Variants in RTP5 observed in about 807,000 individuals in gnomAD.
RTP5 encodes receptor transporter protein 5 (putative), also known as receptor-transporting protein 5.
Under a neutral mutation model 23.5 loss-of-function variants are expected in RTP5, and 30 were observed. That is an observed-to-expected ratio of 1.27 (90% confidence interval 0.95 to 1.73). The LOEUF is 1.73. Ranked by LOEUF, RTP5 falls within the 40% of genes most tolerant of loss-of-function variation. The pLI, the probability that RTP5 is intolerant of heterozygous loss-of-function variation, is 0.00. For synonymous variants in RTP5, 354 were observed against 342.1 expected, an observed-to-expected ratio of 1.03 and a Z score of -0.38; for missense variants, 807 against 784.2, an observed-to-expected ratio of 1.03 and a Z score of -0.35.
Position 241,872,091 on chromosome 2 carries a change from C to A in RTP5, c.536C>A (p.Thr179Asn). ...GNFPATAWGG[T>N]GTVSRGKPLS... The stretch of plus-strand genomic sequence containing the variant: ...TTCCCCGCCACGGCCTGGGGTGGCA[C>A]TGGCACCGTCTCCAGGGGCAAACCG... The change falls in exon 2 of 2, where the codon ACT becomes AAT. Residue 179 changes from threonine (T) to asparagine (N), a missense_variant. Thr to Asn is a moderately conservative substitution (Grantham distance 65). Transcript: ENST00000343216. 1 of 1,584,878 alleles carries A rather than the reference C, an allele frequency of 6.3e-7. No homozygotes were observed. Among genetic ancestry groups the A allele is most frequent in the South Asian group, 1.1e-5 (1 of 89,218 alleles).
chr2:241,872,550 C>T lies in RTP5; in HGVS notation c.995C>T (p.Ser332Leu), dbSNP rs150144782. The change falls in exon 2 of 2, where the codon TCG (serine) becomes TTG (leucine). Residue 332 changes from serine (S) to leucine (L), a missense_variant. Physicochemically the swap from Ser to Leu is moderately radical, Grantham distance 145. Transcript: ENST00000343216. Reference protein sequence around the residue: ...TPTVFYCVGLSASGEGSLTFP... With the variant: ...TPTVFYCVGLLASGEGSLTFP... ...ACCGTGTTCTACTGTGTGGGCCTCT[C>T]GGCCAGCGGGGAGGGCTCCCTCACC... The T allele has an allele frequency of 9.9e-4, 1,539 of 1,552,618 alleles. 20 individuals are homozygous for T. The Admixed American group carries it at 0.015, about 15-fold the overall frequency.
Position 241,872,318 on chromosome 2 carries a change from A to T in RTP5, c.763A>T (p.Met255Leu). 6.2e-7 allele frequency: 1 copy of T among 1,605,858 alleles called. No individual in the cohort carries two copies. Among genetic ancestry groups the T allele is most frequent in the Non-Finnish European group, 8.5e-7 (1 of 1,176,530 alleles). ...CTTCCTGTCTGGGGATTCAGTGGCC[A>T]TGCCTGGGGGCAAAGGCTTCCCGGT... is the stretch of plus-strand genomic sequence containing the variant. ...SIFLSGDSVA[M>L]PGGKGFPVAI... Residue 255 changes from methionine to leucine, a missense_variant, in exon 2 of 2, where the codon ATG becomes TTG. Coordinates refer to ENST00000343216, the MANE Select transcript of RTP5 (RefSeq NM_173821.3).
At chr2:241,871,061 G>A in intron 1 of RTP5, 1 of 470,902 alleles carries the variant, frequency 2.1e-6, no homozygotes, top group Non-Finnish European at 4.4e-6. Flanking sequence ...CCATGGACAA[G>A]CCAATCCCTC....
rs200579968 is a variant in RTP5, at chr2:241,872,232, C to T, written c.677C>T (p.Ala226Val). 4.3e-4 allele frequency: 687 copies of T among 1,607,634 alleles called. No homozygotes were observed. Among genetic ancestry groups the T allele is most frequent in the Non-Finnish European group, 5.3e-4 (622 of 1,176,394 alleles). Residue 226 changes from alanine (A) to valine (V), a missense_variant, in exon 2 of 2, where the codon GCG becomes GTG. Physicochemically the swap from Ala to Val is moderately conservative, Grantham distance 64. Transcript: ENST00000343216. Reference protein sequence around the residue: ...VPIAEGPAPPAGASLPVTGSC... With the variant: ...VPIAEGPAPPVGASLPVTGSC... ...ATCGCTGAGGGCCCTGCCCCCCCTGCGGGGGCCTCTCTCCCTGTGACTGGC... is the reference window on the plus strand; with the variant it reads ...ATCGCTGAGGGCCCTGCCCCCCCTGTGGGGGCCTCTCTCCCTGTGACTGGC...
chr2:241,871,873 G>GC lies in RTP5; in HGVS notation c.323dup (p.Glu110ArgfsTer32). ...CCGCACCCGGGGACTGCCAGGTGAG[G>GC]CCCCCGGGCGAGCAGCCCTTCCTCA... On this transcript the variant is annotated frameshift_variant, in exon 2 of 2. Coordinates refer to ENST00000343216, the MANE Select transcript of RTP5 (RefSeq NM_173821.3). LOFTEE classifies it low-confidence loss of function (END_TRUNC). 1 of 1,548,090 alleles carries GC rather than the reference G, an allele frequency of 6.5e-7. No homozygotes were observed. The highest frequency in any genetic ancestry group is 8.7e-7 in the Non-Finnish European group (1 of 1,143,820).
At position 241,872,616 on chromosome 2, in the gene RTP5, C is replaced by T. The variant is rs775542991; in HGVS notation, c.1061C>T (p.Ser354Leu). The T allele has an allele frequency of 2.7e-5, 41 of 1,546,320 alleles. No individual in the cohort carries two copies. Among genetic ancestry groups the T allele is most frequent in the East Asian group, 6.8e-5 (3 of 44,306 alleles). Residue 354 changes from serine (S) to leucine (L), a missense_variant, in exon 2 of 2, where the codon TCG becomes TTG. Physicochemically the swap from Ser to Leu is moderately radical, Grantham distance 145. Transcript: ENST00000343216. ...ACCAGCATCTTCACCAACACCCTCTCGGAGCCCACCGATGGCCCTGTGGCC... is the reference window on the plus strand; with the variant it reads ...ACCAGCATCTTCACCAACACCCTCTTGGAGCCCACCGATGGCCCTGTGGCC... ...SLTSIFTNTLSEPTDGPVATK... is the reference protein window; with the variant it reads ...SLTSIFTNTLLEPTDGPVATK...
At position 241,873,119 on chromosome 2, in the gene RTP5, C is replaced by G; in HGVS notation, c.1564C>G (p.Arg522Gly). Residue 522 changes from arginine (R) to glycine (G), a missense_variant, in exon 2 of 2, where the codon CGC becomes GGC. Coordinates refer to ENST00000343216, the MANE Select transcript of RTP5 (RefSeq NM_173821.3). The part of the protein sequence containing the change: ...SRFHKARCGC[R>G]REEDERPGRA... ...GTTCCACAAGGCCCGCTGTGGGTGC[C>G]GCCGGGAGGAAGACGAGCGCCCTGG... 1 of 1,612,538 alleles carries G rather than the reference C, an allele frequency of 6.2e-7. No homozygotes were observed. Among genetic ancestry groups the G allele is most frequent in the Non-Finnish European group, 8.5e-7 (1 of 1,179,954 alleles).
Position 241,872,061 on chromosome 2 carries a change from G to A in RTP5, c.506G>A (p.Gly169Asp), listed in dbSNP as rs773247359. The change falls in exon 2 of 2, where the codon GGC (glycine) becomes GAC (aspartate). Residue 169 changes from glycine (G) to aspartate (D), a missense_variant. Transcript: ENST00000343216. ...GCCTGGAGCGCCAACGCCACAAAAG[G>A]CAACTTCCCCGCCACGGCCTGGGGT... The part of the protein sequence containing the change: ...DPAWSANATK[G>D]NFPATAWGGT... The A allele has an allele frequency of 3.2e-6, 5 of 1,569,296 alleles. No individual in the cohort carries two copies. The East Asian group carries it at 1.1e-4, about 36-fold the overall frequency.
At position 241,872,452 on chromosome 2, in the gene RTP5, G is replaced by C. The variant is rs78628254; in HGVS notation, c.897G>C (p.Pro299=). ...LFKGRGSLCS[P]VGVAQGWGPI... ...AAGGCCGGGGCTCCCTCTGCAGCCC[G>C]GTTGGCGTGGCCCAGGGCTGGGGCC... Residue 299 remains proline (P), a synonymous_variant, in exon 2 of 2, where the codon CCG becomes CCC. Coordinates refer to ENST00000343216, the MANE Select transcript of RTP5 (RefSeq NM_173821.3). 7.8e-3 allele frequency: 12,499 copies of C among 1,604,068 alleles called. 839 individuals carry two copies. The African/African-American group carries it at 0.15, about 19-fold the overall frequency.
chr2:241,871,728 A>C lies in RTP5; in HGVS notation c.173A>C (p.His58Pro), dbSNP rs1416644018. Residue 58 changes from histidine to proline, a missense_variant, in exon 2 of 2, where the codon CAC becomes CCC. Physicochemically the swap from His to Pro is moderately conservative, Grantham distance 77. Coordinates refer to ENST00000343216, the MANE Select transcript of RTP5 (RefSeq NM_173821.3). ...CCCCGCCGCAGGCTCCAGTGCGGTC[A>C]CTGTCCGGGGACCTGGGACTCGGCC... ...LVGLSRLQCG[H>P]CPGTWDSAHV... is the part of the protein sequence containing the mutation. 3 of 1,605,726 alleles carry C rather than the reference A, an allele frequency of 1.9e-6. No individual in the cohort carries two copies. The highest frequency in any genetic ancestry group is 2.5e-6 in the Non-Finnish European group (3 of 1,176,910).
At chr2:241,870,057 T>C in intron 1 of RTP5, 143 bp downstream of exon 1, 1 of 867,844 alleles carries the variant, frequency 1.2e-6, no homozygotes, top group South Asian at 2.4e-5. Context: ...GGGTGCTCCT[T>C]CTCCCGCCGG....
chr2:241,872,673 T>C lies in RTP5; in HGVS notation c.1118T>C (p.Ile373Thr), dbSNP rs1310429985. The change falls in exon 2 of 2, where the codon ATC becomes ACC. Residue 373 changes from isoleucine (I) to threonine (T), a missense_variant. Physicochemically the swap from Ile to Thr is moderately conservative, Grantham distance 89 (BLOSUM62 -1). Transcript: ENST00000343216. ...GAGGCCTCCATCACCTTCCCCTTCATCTTTACTGATGTCAAGGATGCCGTT... is the reference window on the plus strand; with the variant it reads ...GAGGCCTCCATCACCTTCCCCTTCACCTTTACTGATGTCAAGGATGCCGTT... ...TKEASITFPF[I>T]FTDVKDAVAE... 6.2e-7 allele frequency: 1 copy of C among 1,600,048 alleles called. No homozygotes were observed. The highest frequency in any genetic ancestry group is 8.5e-7 in the Non-Finnish European group (1 of 1,173,552).
chr2:241,872,423 T>C lies in RTP5; in HGVS notation c.868T>C (p.Phe290Leu). 1.2e-6 allele frequency: 2 copies of C among 1,611,294 alleles called. No individual in the cohort carries two copies. The highest frequency in any genetic ancestry group is 2.2e-5 in the South Asian group (2 of 90,852). ...GACCTTCGAGCTCAAGGGCTTCCTCTTCAAAGGCCGGGGCTCCCTCTGCAG... is the reference window on the plus strand; with the variant it reads ...GACCTTCGAGCTCAAGGGCTTCCTCCTCAAAGGCCGGGGCTCCCTCTGCAG... ...IQTFELKGFL[F>L]KGRGSLCSPV... Residue 290 changes from phenylalanine to leucine, a missense_variant, in exon 2 of 2, where the codon TTC becomes CTC. Phe to Leu is a conservative substitution (Grantham distance 22, BLOSUM62 0). Coordinates refer to ENST00000343216, the MANE Select transcript of RTP5 (RefSeq NM_173821.3).
At position 241,871,849 on chromosome 2, in the gene RTP5, C is replaced by T. The variant is rs200179067; in HGVS notation, c.294C>T (p.Pro98=). Residue 98 remains proline, a synonymous_variant, in exon 2 of 2, where the codon CCC becomes CCT. Coordinates refer to ENST00000343216, the MANE Select transcript of RTP5 (RefSeq NM_173821.3). Reference sequence around the variant, plus strand: ...GGGGCCAGCGGTGCAGGCTGTGCCCCGCACCCGGGGACTGCCAGGTGAGGC... The same window carrying T: ...GGGGCCAGCGGTGCAGGCTGTGCCCTGCACCCGGGGACTGCCAGGTGAGGC... ...RIWGQRCRLC[P]APGDCQVRPP... The T allele has an allele frequency of 8.6e-4, 1,330 of 1,547,616 alleles. 11 individuals are homozygous for T. In the African/African-American group the frequency reaches 0.015, roughly 18 times the overall value.
At position 241,872,787 on chromosome 2, in the gene RTP5, G is replaced by A; in HGVS notation, c.1232G>A (p.Gly411Asp). ...GACGCCCTGCCAGAGACCAATGCTG[G>A]TGGCCTCCCCTCCCAGGTCAAGGGC... The part of the protein sequence containing the change: ...GHDALPETNA[G>D]GLPSQVKGSL... The change falls in exon 2 of 2, where the codon GGT becomes GAT. Residue 411 changes from glycine (G) to aspartate (D), a missense_variant. Physicochemically the swap from Gly to Asp is moderately conservative, Grantham distance 94 (BLOSUM62 -1). Coordinates refer to ENST00000343216, the MANE Select transcript of RTP5 (RefSeq NM_173821.3). 6.2e-7 allele frequency: 1 copy of A among 1,606,226 alleles called. No homozygotes were observed. The highest frequency in any genetic ancestry group is 8.5e-7 in the Non-Finnish European group (1 of 1,175,304).
At position 241,872,714 on chromosome 2, in the gene RTP5, G is replaced by A. The variant is rs761629781; in HGVS notation, c.1159G>A (p.Gly387Ser). The A allele has an allele frequency of 3.1e-5, 50 of 1,600,268 alleles. No individual in the cohort carries two copies. In the Admixed American group the frequency reaches 6.9e-4, roughly 22 times the overall value. The change falls in exon 2 of 2, where the codon GGC becomes AGC. Residue 387 changes from glycine (G) to serine (S), a missense_variant. Coordinates refer to ENST00000343216, the MANE Select transcript of RTP5 (RefSeq NM_173821.3). ...VKDAVAEVAE[G>S]NGKEGGGQGL... is the part of the protein sequence containing the mutation. ...GGATGCCGTTGCTGAGGTGGCTGAA[G>A]GCAACGGGAAGGAAGGAGGCGGCCA... is the stretch of plus-strand genomic sequence containing the variant.
chr2:241,870,339 C>T (rs1042872708), intron 1 of RTP5, among the ~76,000 whole-genome samples: 52 of 152,340 alleles, frequency 3.4e-4, no homozygotes, highest in Admixed American at 2.0e-4. Context: ...ATCGGGGGCC[C>T]GGGGTGGCTG....
At position 241,872,690 on chromosome 2, in the gene RTP5, G is replaced by A. The variant is rs776967898; in HGVS notation, c.1135G>A (p.Asp379Asn). 5.0e-6 allele frequency: 8 copies of A among 1,602,804 alleles called. No individual in the cohort carries two copies. In the African/African-American group the frequency reaches 1.1e-4, roughly 22 times the overall value. The change falls in exon 2 of 2, where the codon GAT becomes AAT. Residue 379 changes from aspartate to asparagine, a missense_variant. Coordinates refer to ENST00000343216, the MANE Select transcript of RTP5 (RefSeq NM_173821.3). ...CCCCTTCATCTTTACTGATGTCAAG[G>A]ATGCCGTTGCTGAGGTGGCTGAAGG... Reference protein sequence around the residue: ...TFPFIFTDVKDAVAEVAEGNG... With the variant: ...TFPFIFTDVKNAVAEVAEGNG...
Position 241,872,527 on chromosome 2 carries a change from C to T in RTP5, c.972C>T (p.Thr324=), listed in dbSNP as rs1197879946. 9.5e-6 allele frequency: 15 copies of T among 1,581,304 alleles called. No individual in the cohort carries two copies. Among genetic ancestry groups the T allele is most frequent in the Middle Eastern group, 1.7e-4 (1 of 5,966 alleles). Residue 324 remains threonine (T), a synonymous_variant, in exon 2 of 2, where the codon ACC becomes ACT. Coordinates refer to ENST00000343216, the MANE Select transcript of RTP5 (RefSeq NM_173821.3). ...GLVPVGKHTP[T]VFYCVGLSAS... ...TCCCTGTGGGGAAACACACGCCAAC[C>T]GTGTTCTACTGTGTGGGCCTCTCGG...
Sources: allele counts gnomAD v4.1 joint callset (sites outside exome capture counted in the v4.1 genomes callset), GRCh38; gene constraint gnomAD v4.1.1; transcripts MANE v1.5; gene names NCBI Gene and HGNC (gene_info 2026-07-23, HGNC 2026-07-21).